HEATR5B: variants seen among roughly 807,000 people sequenced by gnomAD.
HEATR5B encodes HEAT repeat-containing protein 5B.
HEATR5B carries 156 observed loss-of-function variants against 224.1 expected under a neutral mutation model. The ratio of observed to expected loss-of-function variants is 0.70; its 90% confidence interval spans 0.61 to 0.80. The LOEUF is 0.80. Ranked by LOEUF, HEATR5B falls within the 30% of genes least tolerant of loss-of-function variation. The pLI, the probability that HEATR5B is intolerant of heterozygous loss-of-function variation, is 0.00. For synonymous variants in HEATR5B, 1,027 were observed against 893.0 expected (o/e 1.15, Z -2.68); for missense variants, 2,323 against 2,535.5 (o/e 0.92, Z 1.80).
At position 37,019,836 on chromosome 2, in the gene HEATR5B, T is replaced by C. The variant is rs758965307; in HGVS notation, c.4077A>G (p.Pro1359=). 3 of 1,610,748 alleles carry C rather than the reference T, an allele frequency of 1.9e-6. No individual in the cohort carries two copies. The highest frequency in any genetic ancestry group is 2.5e-6 in the Non-Finnish European group (3 of 1,178,258). The change falls in exon 26 of 36, where the codon CCA becomes CCG. Residue 1359 remains proline, a synonymous_variant. Transcript: ENST00000233099. ...ALRPAFSQDT[P]SDIIAKACQV... ...GGCAAGCTTTCGCTATTATATCTGA[T>C]GGTGTATCTTGTGAAAAGGCTGGTC...
chr2:37,065,696 A>T, intron 9 of HEATR5B, 59 bp downstream of exon 9: 1 of 1,405,060 alleles, frequency 7.1e-7, no homozygotes, highest in South Asian at 1.2e-5. Context: ...TTAAATATCA[A>T]TCACACTTAT....
intron 10 of HEATR5B, among the ~76,000 whole-genome samples, chr2:37,062,790 A>G (rs930925268): frequency 6.6e-6 from 1 of 151,912 alleles, no homozygotes; most frequent in South Asian, 2.1e-4. Flanking sequence ...TAGCTTACTT[A>G]TTTGTTTGTT....
chr2:37,024,540 G>A (rs1668653070), intron 24 of HEATR5B, among the ~76,000 whole-genome samples: 2 of 152,048 alleles, frequency 1.3e-5, no homozygotes, highest in East Asian at 3.8e-4. Context: ...TTGCCCAACT[G>A]ATAAGCTAGA....
At chr2:36,983,965 G>A (rs1216302613) in intron 35 of HEATR5B, among the ~76,000 whole-genome samples, 1 of 151,036 alleles carries the variant, frequency 6.6e-6, no homozygotes, top group Admixed American at 6.6e-5. Flanking sequence ...TTGGGAGGCT[G>A]AGGCGGGTGG....
chr2:37,031,351 T>C (rs528890279), intron 22 of HEATR5B, among the ~76,000 whole-genome samples: 1 of 152,222 alleles, frequency 6.6e-6, no homozygotes, highest in East Asian at 1.9e-4. Context: ...AATACATACG[T>C]TAGTAAATAA....
intron 16 of HEATR5B, among the ~76,000 whole-genome samples, chr2:37,055,928 G>A (rs1271776406): frequency 6.6e-6 from 1 of 152,106 alleles, no homozygotes; most frequent in East Asian, 1.9e-4. Flanking sequence ...AAACCAAAAT[G>A]CTTCTATTAC....
chr2:37,061,924 C>T lies in HEATR5B; in HGVS notation c.1696+15G>A. On this transcript the variant is annotated intron_variant, in intron 11 of 35. Transcript: ENST00000233099. ...GTTATAGCGTGACAAAAATCCTACT[C>T]AAATATAATTATACCTAAAGTCATA... The T allele has an allele frequency of 6.5e-7, 1 of 1,535,326 alleles. No homozygotes were observed. Among genetic ancestry groups the T allele is most frequent in the Non-Finnish European group, 9.0e-7 (1 of 1,109,546 alleles).
intron 3 of HEATR5B, among the ~76,000 whole-genome samples, chr2:37,077,387 C>G (rs1672300672): frequency 6.6e-6 from 1 of 152,152 alleles, no homozygotes; most frequent in Non-Finnish European, 1.5e-5. Context: ...TGGTTCACTG[C>G]AACCTCTGCC....
chr2:37,038,750 G>C (rs1669674532), intron 20 of HEATR5B, among the ~76,000 whole-genome samples: 1 of 150,022 alleles, frequency 6.7e-6, no homozygotes. Flanking sequence ...TTCGAGACCA[G>C]CCTGGCCAAC....
At chr2:36,999,336 T>A (rs552215651) in intron 33 of HEATR5B, among the ~76,000 whole-genome samples, 1 of 152,220 alleles carries the variant, frequency 6.6e-6, no homozygotes, top group Non-Finnish European at 1.5e-5. Context: ...ATTATTTTTA[T>A]TGTAAAACAA....
Position 37,005,732 on chromosome 2 carries a change from G to A in HEATR5B, c.4805C>T (p.Pro1602Leu). Reference sequence around the variant, plus strand: ...ATGTTCAATGGGCTCCTCAGGTCTAGGGGAACAAAGAAACTGTATACTCAC... The same window carrying A: ...ATGTTCAATGGGCTCCTCAGGTCTAAGGGAACAAAGAAACTGTATACTCAC... ...LGVSIQFLCS[P>L]RPEEPIEHVT... The change falls in exon 30 of 36, where the codon CCT becomes CTT. Residue 1602 changes from proline (P) to leucine (L), a missense_variant. Transcript: ENST00000233099. The A allele has an allele frequency of 6.3e-7, 1 of 1,598,390 alleles. No homozygotes were observed. The highest frequency in any genetic ancestry group is 8.5e-7 in the Non-Finnish European group (1 of 1,175,370).
At chr2:36,984,215 A>AAATATATAT in intron 35 of HEATR5B, among the ~76,000 whole-genome samples, 1 of 77,642 alleles carries the variant, frequency 1.3e-5, no homozygotes, top group African/African-American at 5.9e-5. Flanking sequence ...AAAAAAAAAA[A>AAATATATAT]ATATATATAT....
intron 6 of HEATR5B, 44 bp downstream of exon 6, chr2:37,072,066 T>C (rs745701398): frequency 1.1e-5 from 16 of 1,472,676 alleles, no homozygotes; most frequent in African/African-American, 1.4e-5. Flanking sequence ...ATGCAATAAC[T>C]AATTAGGTCT....
At position 37,056,493 on chromosome 2, in the gene HEATR5B, A is replaced by T; in HGVS notation, c.2346T>A (p.Asp782Glu). 6.2e-7 allele frequency: 1 copy of T among 1,613,512 alleles called. No individual in the cohort carries two copies. The highest frequency in any genetic ancestry group is 8.5e-7 in the Non-Finnish European group (1 of 1,179,646). Residue 782 changes from aspartate (D) to glutamate (E), a missense_variant, in exon 16 of 36, where the codon GAT (aspartate) becomes GAA (glutamate). Around this residue, in one of 12 missense-constraint regions of HEATR5B, gnomAD observed 170 missense variants for 216.7 expected, o/e 0.78. Transcript: ENST00000233099. ...CTACACCAAAAAGGGCCACAGAAGC[A>T]TCAATGACTGAGACTCCGAGAGGGA... is the stretch of plus-strand genomic sequence containing the variant. ...GPLPLGVSVIDASVALFGVVF... is the reference protein window; with the variant it reads ...GPLPLGVSVIEASVALFGVVF...
rs934485391 is a variant in HEATR5B at position 36,991,661 on chromosome 2, T to C, written c.5546-862A>G. ...TATGAACATTTATTCTAAAGAACAA[T>C]ATTTCTGAACATATAAAATACGAGT... is the stretch of plus-strand genomic sequence containing the variant. On this transcript the variant is annotated intron_variant, in intron 33 of 35. Transcript: ENST00000233099. 7.0e-4 allele frequency among the ~76,000 whole-genome samples: 107 copies of C among 152,286 alleles called. 1 individual carries two copies. The highest frequency in any genetic ancestry group is 2.5e-3 in the African/African-American group (105 of 41,576).
intron 2 of HEATR5B, among the ~76,000 whole-genome samples, chr2:37,081,983 G>A (rs993344154): frequency 7.7e-6 from 1 of 129,316 alleles, no homozygotes; most frequent in Non-Finnish European, 1.6e-5. Flanking sequence ...GCTGAGAAAA[G>A]TTTTTACTAC....
intron 5 of HEATR5B, among the ~76,000 whole-genome samples, chr2:37,073,392 T>C (rs114099556): frequency 0.011 from 1,711 of 152,252 alleles, 25 homozygotes; most frequent in African/African-American, 0.039. Context: ...GACAGGCACA[T>C]GCCACCACGC....
chr2:37,040,866 A>T lies in HEATR5B; in HGVS notation c.2856+267T>A, dbSNP rs572596924. On this transcript the variant is annotated intron_variant, in intron 19 of 35. Coordinates refer to ENST00000233099, the MANE Select transcript of HEATR5B (RefSeq NM_019024.3). The stretch of plus-strand genomic sequence containing the variant: ...ATCAAGCTAACAAATCTAAAGAAAT[A>T]AAAAAAAAGAGGAAAAAAGTACACA... Among the ~76,000 whole-genome samples, 11 of 151,390 alleles carry T rather than the reference A, an allele frequency of 7.3e-5. No homozygotes were observed. In the South Asian group the frequency reaches 1.5e-3, roughly 20 times the overall value.
intron 27 of HEATR5B, among the ~76,000 whole-genome samples, chr2:37,013,491 G>C (rs908965177): frequency 1.3e-5 from 2 of 152,128 alleles, no homozygotes; most frequent in African/African-American, 4.8e-5. Context: ...TCAAGTCCAG[G>C]CTGGGCAACA....
Sources: allele counts gnomAD v4.1 joint callset (sites outside exome capture counted in the v4.1 genomes callset), GRCh38; gene constraint gnomAD v4.1.1; regional missense constraint gnomAD v4.1.1; transcripts MANE v1.5; gene names NCBI Gene and HGNC (gene_info 2026-07-23, HGNC 2026-07-21).